Variants in FHIT observed in about 807,000 individuals in gnomAD.
FHIT encodes the protein fragile histidine triad diadenosine triphosphatase.
Under a neutral mutation model 17.9 loss-of-function variants are expected in FHIT, and 19 were observed. That is an observed-to-expected ratio of 1.06 (90% CI 0.74 to 1.56). The LOEUF (loss-of-function observed/expected upper bound fraction) is 1.56. FHIT is among the 40% of genes most tolerant of loss of function. The probability of loss-of-function intolerance (pLI) is 0.00; values close to 1 mark genes in which losing one functional copy is unlikely to be tolerated. For missense variants in FHIT, 248 were observed against 189.2 expected, an observed-to-expected ratio of 1.31 and a Z score of -1.82; for synonymous variants, 81 against 69.7, an observed-to-expected ratio of 1.16 and a Z score of -0.81.
intron 5 of FHIT, among the ~76,000 whole-genome samples, chr3:60,485,403 C>T (rs779944182): frequency 1.2e-4 from 18 of 152,140 alleles, no homozygotes; most frequent in Admixed American, 1.0e-3. Flanking sequence ...AGAACCAACT[C>T]AAATGCCCAT....
intron 2 of FHIT, among the ~76,000 whole-genome samples, chr3:61,093,710 A>G (rs1032699013): frequency 6.6e-6 from 1 of 152,214 alleles, no homozygotes; most frequent in Non-Finnish European, 1.5e-5. Flanking sequence ...CAACGGGCAT[A>G]ATATGTAACA....
intron 8 of FHIT, among the ~76,000 whole-genome samples, chr3:59,810,123 C>T (rs1393857863): frequency 1.3e-5 from 2 of 152,002 alleles, no homozygotes; most frequent in African/African-American, 2.4e-5. Context: ...GCTCCTGGGG[C>T]CTGAGGAGGG....
intron 5 of FHIT, among the ~76,000 whole-genome samples, chr3:60,412,200 C>T (rs1316821754): frequency 6.6e-6 from 1 of 151,994 alleles, no homozygotes; most frequent in Non-Finnish European, 1.5e-5. Flanking sequence ...CATAGTGAGA[C>T]TCCCATCTCT....
chr3:60,471,492 A>G (rs1244167117), intron 5 of FHIT, among the ~76,000 whole-genome samples: 1 of 152,124 alleles, frequency 6.6e-6, no homozygotes, highest in Admixed American at 6.5e-5. Context: ...ACAGGGCAAC[A>G]CTGAGTTACA....
intron 4 of FHIT, among the ~76,000 whole-genome samples, chr3:60,653,337 T>G (rs1163119101): frequency 6.6e-6 from 1 of 152,100 alleles, no homozygotes; most frequent in Non-Finnish European, 1.5e-5. Flanking sequence ...TCTTTGGAAT[T>G]TTATAAATGC....
chr3:60,146,618 A>G (rs1409934820), intron 5 of FHIT, among the ~76,000 whole-genome samples: 2 of 152,168 alleles, frequency 1.3e-5, no homozygotes, highest in Non-Finnish European at 2.9e-5. Flanking sequence ...GCTAGAGAGA[A>G]TGGGGGTAGC....
intron 1 of FHIT, among the ~76,000 whole-genome samples, chr3:61,220,554 G>A (rs2106821987): frequency 6.6e-6 from 1 of 152,152 alleles, no homozygotes; most frequent in East Asian, 1.9e-4. Flanking sequence ...TCTTACTTTT[G>A]TTATTTACCT....
At chr3:60,293,319 C>T (rs1708069044) in intron 5 of FHIT, among the ~76,000 whole-genome samples, 1 of 151,896 alleles carries the variant, frequency 6.6e-6, no homozygotes, top group South Asian at 2.1e-4. Flanking sequence ...TTGCACTTTT[C>T]CCAAAAATCT....
intron 4 of FHIT, among the ~76,000 whole-genome samples, chr3:60,640,625 T>C (rs2107790362): frequency 6.6e-6 from 1 of 152,134 alleles, no homozygotes; most frequent in South Asian, 2.1e-4. Context: ...TTGAGAGAAA[T>C]TAAAGAAAAT....
At chr3:59,926,844 G>A (rs1452442773) in intron 7 of FHIT, among the ~76,000 whole-genome samples, 1 of 152,196 alleles carries the variant, frequency 6.6e-6, no homozygotes, top group Non-Finnish European at 1.5e-5. Flanking sequence ...TGGCCAGAGT[G>A]TGGAGAGCTG....
chr3:59,795,973 C>T (rs1033276806), intron 8 of FHIT, among the ~76,000 whole-genome samples: 7 of 152,102 alleles, frequency 4.6e-5, no homozygotes, highest in South Asian at 4.1e-4. Flanking sequence ...CGACTGAGTG[C>T]GCCCTGCTGT....
At chr3:60,611,973 T>C (rs929305351) in intron 4 of FHIT, among the ~76,000 whole-genome samples, 2 of 152,154 alleles carry the variant, frequency 1.3e-5, no homozygotes, top group Non-Finnish European at 2.9e-5. Context: ...ACTGTCACTG[T>C]TCTGCTCAGC....
intron 3 of FHIT, among the ~76,000 whole-genome samples, chr3:60,881,414 C>A (rs782010523): frequency 1.3e-5 from 2 of 152,202 alleles, no homozygotes; most frequent in Non-Finnish European, 2.9e-5. Flanking sequence ...TGAGTTTATA[C>A]TGCATTTTAG....
intron 5 of FHIT, among the ~76,000 whole-genome samples, chr3:60,354,041 G>C (rs924446961): frequency 6.6e-6 from 1 of 152,036 alleles, no homozygotes; most frequent in South Asian, 2.1e-4. Context: ...ACGATGATGG[G>C]CTGGAGAATC....
intron 5 of FHIT, among the ~76,000 whole-genome samples, chr3:60,107,269 T>C (rs1704465753): frequency 6.7e-6 from 1 of 150,248 alleles, no homozygotes; most frequent in Non-Finnish European, 1.5e-5. Context: ...CTGTTACAGA[T>C]AGCTTTTCTT....
At chr3:60,191,652 A>G (rs1702409052) in intron 5 of FHIT, among the ~76,000 whole-genome samples, 1 of 152,174 alleles carries the variant, frequency 6.6e-6, no homozygotes, top group African/African-American at 2.4e-5. Context: ...ATTAATCAAC[A>G]AATGTTATTT....
chr3:60,980,516 G>A (rs1710448996), intron 3 of FHIT, among the ~76,000 whole-genome samples: 2 of 152,224 alleles, frequency 1.3e-5, no homozygotes, highest in South Asian at 2.1e-4. Context: ...ACTTACTGTG[G>A]GAAGTTATCA....
At chr3:60,117,711 T>A (rs539915597) in intron 5 of FHIT, among the ~76,000 whole-genome samples, 1 of 152,068 alleles carries the variant, frequency 6.6e-6, no homozygotes, top group East Asian at 1.9e-4. Flanking sequence ...GCGCAGAGAA[T>A]GCAGATGAGC....
intron 4 of FHIT, among the ~76,000 whole-genome samples, chr3:60,684,606 G>A (rs1716737): frequency 0.78 from 118,849 of 151,830 alleles, 47,806 homozygotes; most frequent in Non-Finnish European, 0.88. Flanking sequence ...TGTTCTCTCC[G>A]TGCCAGGGTC....
Sources: allele counts gnomAD v4.1 joint callset (sites outside exome capture counted in the v4.1 genomes callset), GRCh38; gene constraint gnomAD v4.1.1; transcripts MANE v1.5; gene names NCBI Gene and HGNC (gene_info 2026-07-23, HGNC 2026-07-21).